EFR3A: variants seen among roughly 807,000 people sequenced by gnomAD.
The protein encoded by EFR3A is EFR3 homolog A.
Under a neutral mutation model 104.4 loss-of-function variants are expected in EFR3A, and 76 were observed. The observed-to-expected ratio is 0.73, with a 90% confidence interval of 0.60 to 0.88. The LOEUF is 0.88. Ranked by LOEUF, EFR3A falls within the 40% of genes least tolerant of loss-of-function variation. EFR3A has a pLI of 0.00. For synonymous variants in EFR3A, 330 were observed against 330.0 expected (o/e 1.00, Z 0.00); for missense variants, 985 against 1,012.5 (o/e 0.97, Z 0.37).
At chr8:131,951,618 C>A (rs1018058527) in intron 5 of EFR3A, among the ~76,000 whole-genome samples, 2 of 152,040 alleles carry the variant, frequency 1.3e-5, no homozygotes, top group Non-Finnish European at 2.9e-5. Context: ...TATTTATCAT[C>A]CCCTAGTGAA....
intron 21 of EFR3A, 39 bp downstream of exon 21, chr8:132,002,745 T>C (rs1477862056): frequency 1.3e-6 from 2 of 1,530,340 alleles, no homozygotes; most frequent in Non-Finnish European, 1.8e-6. Flanking sequence ...GGGTGGACTG[T>C]TGTTTTGTGG....
intron 1 of EFR3A, among the ~76,000 whole-genome samples, chr8:131,920,847 A>G (rs932424029): frequency 2.6e-5 from 4 of 152,300 alleles, no homozygotes; most frequent in African/African-American, 7.2e-5. Flanking sequence ...TAAAGTGTAA[A>G]TAACAATACC....
rs375503062 is a variant in EFR3A, at chr8:131,944,763, G to A, written c.106G>A (p.Asp36Asn). 89 of 1,598,746 alleles carry A rather than the reference G, an allele frequency of 5.6e-5. 2 individuals are homozygous for A. Among genetic ancestry groups the A allele is most frequent in the East Asian group, 2.9e-4 (13 of 44,292 alleles). Residue 36 changes from aspartate (D) to asparagine (N), a missense_variant, in exon 3 of 23, where the codon GAT becomes AAT. Transcript: ENST00000254624. ...EDPKDGLVKT[D>N]MEKLTFYAVS... is the part of the protein sequence containing the mutation. ...TTTTTAGGATGGCCTTGTGAAAACTGATATGGAGAAATTGACATTTTATGC... is the reference window on the plus strand; with the variant it reads ...TTTTTAGGATGGCCTTGTGAAAACTAATATGGAGAAATTGACATTTTATGC...
chr8:132,007,605 C>T lies in EFR3A; in HGVS notation c.2361-3185C>T, dbSNP rs540695022. ...ACCCCAACAGACTTTTTTGTAAAAA[C>T]GTATAAATTGATTTTAAAATTCAGA... On this transcript the variant is annotated intron_variant, in intron 22 of 22. Coordinates refer to ENST00000254624, the MANE Select transcript of EFR3A (RefSeq NM_015137.6). 7.9e-5 allele frequency among the ~76,000 whole-genome samples: 12 copies of T among 151,870 alleles called. No homozygotes were observed. In the South Asian group the frequency reaches 1.2e-3, roughly 16 times the overall value.
intron 8 of EFR3A, among the ~76,000 whole-genome samples, chr8:131,963,443 C>G: frequency 6.6e-6 from 1 of 152,150 alleles, no homozygotes; most frequent in Non-Finnish European, 1.5e-5. Flanking sequence ...CTATAAACAC[C>G]TCTACACAAA....
chr8:131,987,305 A>G (rs1224477571), intron 17 of EFR3A, among the ~76,000 whole-genome samples: 1 of 152,086 alleles, frequency 6.6e-6, no homozygotes, highest in East Asian at 1.9e-4. Flanking sequence ...ACAAGTAAAG[A>G]TCAACAGAGT....
chr8:132,007,838 A>G (rs926975721), intron 22 of EFR3A, among the ~76,000 whole-genome samples: 7 of 152,026 alleles, frequency 4.6e-5, no homozygotes, highest in Non-Finnish European at 8.8e-5. Context: ...AATCAAAACA[A>G]TTTAATGAGG....
intron 17 of EFR3A, 30 bp downstream of exon 17, chr8:131,986,291 G>A: frequency 1.6e-6 from 2 of 1,223,378 alleles, no homozygotes; most frequent in East Asian, 2.4e-5. Flanking sequence ...TTTAAGGATG[G>A]GGTACTGACT....
chr8:131,952,882 A>G (rs1380545635), intron 5 of EFR3A, among the ~76,000 whole-genome samples: 1 of 152,110 alleles, frequency 6.6e-6, no homozygotes, highest in African/African-American at 2.4e-5. Context: ...CTTTAAACCT[A>G]TTTACAGTTT....
intron 22 of EFR3A, among the ~76,000 whole-genome samples, chr8:132,005,076 A>G (rs751596671): frequency 1.3e-5 from 2 of 152,234 alleles, no homozygotes; most frequent in African/African-American, 2.4e-5. Context: ...TGCTAAATGT[A>G]TTATTTTATT....
At chr8:131,941,281 T>C (rs763326271) in intron 2 of EFR3A, among the ~76,000 whole-genome samples, 2 of 152,066 alleles carry the variant, frequency 1.3e-5, no homozygotes, top group Non-Finnish European at 2.9e-5. Context: ...GGTGATTTTG[T>C]TTCACATTGC....
At chr8:131,942,896 A>G (rs1190927085) in intron 2 of EFR3A, among the ~76,000 whole-genome samples, 1 of 152,092 alleles carries the variant, frequency 6.6e-6, no homozygotes, top group Non-Finnish European at 1.5e-5. Context: ...AAACTGTATG[A>G]TTCTATTTAT....
chr8:131,980,071 G>A (rs1253969142), intron 14 of EFR3A, among the ~76,000 whole-genome samples: 1 of 152,068 alleles, frequency 6.6e-6, no homozygotes, highest in Non-Finnish European at 1.5e-5. Flanking sequence ...TAAGAGATAC[G>A]ATAACCATGA....
chr8:131,957,393 C>T (rs1309976512), intron 7 of EFR3A, among the ~76,000 whole-genome samples: 2 of 147,490 alleles, frequency 1.4e-5, no homozygotes, highest in African/African-American at 2.6e-5. Flanking sequence ...TGTTGTTGCC[C>T]AGGCTGGAGT....
At chr8:131,986,789 CAAA>C (rs10569128) in intron 17 of EFR3A, among the ~76,000 whole-genome samples, 2 of 67,974 alleles carry the variant, frequency 2.9e-5, no homozygotes, top group Non-Finnish European at 6.3e-5. Flanking sequence ...GACTCCATCT[CAAA>C]AAAAAAAAAA....
intron 9 of EFR3A, among the ~76,000 whole-genome samples, chr8:131,968,704 A>T (rs768703194): frequency 3.3e-5 from 5 of 152,306 alleles, no homozygotes; most frequent in South Asian, 2.1e-4. Context: ...GAGAATGCAG[A>T]TATAAGAAAC....
chr8:131,996,960 G>A (rs560059950), intron 19 of EFR3A, among the ~76,000 whole-genome samples: 114 of 152,074 alleles, frequency 7.5e-4, no homozygotes, highest in African/African-American at 2.5e-3. Flanking sequence ...CATCTATAAG[G>A]GAAAATGTTT....
intron 2 of EFR3A, among the ~76,000 whole-genome samples, chr8:131,942,877 A>G (rs1456240819): frequency 6.6e-6 from 1 of 152,060 alleles, no homozygotes; most frequent in East Asian, 1.9e-4. Flanking sequence ...CACAAAATAT[A>G]TGATTTGTAA....
In EFR3A at chr8:132,013,560, C is replaced by CA. The variant is rs1482228374; in HGVS notation, c.*2666dup. 1.3e-5 allele frequency: 2 copies of CA among 152,524 alleles called. No individual in the cohort carries two copies. Among genetic ancestry groups the CA allele is most frequent in the Non-Finnish European group, 2.9e-5 (2 of 68,008 alleles). 9.4% of individuals were successfully genotyped at this position (152,524 alleles called of 1,614,324 possible). A position where few individuals can be genotyped will look rare whatever the true frequency, so the allele number is the denominator to read the frequency against. ...TGCAATTCATATGTCAGCAATAAAACATAGATTATTTGTATATAAGTTCAT... is the reference window on the plus strand; with the variant it reads ...TGCAATTCATATGTCAGCAATAAAACAATAGATTATTTGTATATAAGTTCAT... On this transcript the variant is annotated 3_prime_UTR_variant, in exon 23 of 23. Coordinates refer to ENST00000254624, the MANE Select transcript of EFR3A (RefSeq NM_015137.6).
Sources: gnomAD v4.1 joint callset for allele counts (sites outside exome capture counted in the v4.1 genomes callset) on GRCh38, gnomAD v4.1.1 for gene constraint, MANE v1.5 for transcripts, NCBI Gene and HGNC (gene_info 2026-07-23, HGNC 2026-07-21) for gene names.